NME8: variants seen among roughly 807,000 people sequenced by gnomAD.
NME8 encodes the protein NME/NM23 family member 8, also known as protein NME8.
Under a neutral mutation model 82.3 loss-of-function variants are expected in NME8, and 72 were observed. The observed-to-expected ratio is 0.87, with a 90% confidence interval of 0.72 to 1.06. The LOEUF (loss-of-function observed/expected upper bound fraction) is 1.06. NME8 is among the 50% of genes least tolerant of loss of function. NME8 has a pLI of 0.00. For synonymous variants in NME8, 267 were observed against 228.5 expected (o/e 1.17, Z -1.52); for missense variants, 712 against 685.4 (o/e 1.04, Z -0.43).
At chr7:37,894,954 G>T (rs140469460) in intron 16 of NME8, among the ~76,000 whole-genome samples, 13 of 151,394 alleles carry the variant, frequency 8.6e-5, no homozygotes, top group African/African-American at 3.2e-4. Flanking sequence ...TAGATATAGA[G>T]GCTGCCTCAG....
At chr7:37,858,230 G>C (rs1784541904) in intron 6 of NME8, among the ~76,000 whole-genome samples, 1 of 152,152 alleles carries the variant, frequency 6.6e-6, no homozygotes, top group African/African-American at 2.4e-5. Context: ...GACTTGGACT[G>C]TTCCTCCACT....
intron 11 of NME8, among the ~76,000 whole-genome samples, chr7:37,869,844 A>G (rs1488633684): frequency 6.6e-6 from 1 of 152,082 alleles, no homozygotes; most frequent in East Asian, 1.9e-4. Flanking sequence ...TGACATGCTG[A>G]ACTGAAAAAG....
At chr7:37,890,608 T>A (rs1187917291) in intron 15 of NME8, among the ~76,000 whole-genome samples, 2 of 152,078 alleles carry the variant, frequency 1.3e-5, no homozygotes, top group East Asian at 3.9e-4. Context: ...GTGAGCACCA[T>A]TCTGCTCTCT....
At chr7:37,900,007 T>C (rs1785290123) in intron 17 of NME8, among the ~76,000 whole-genome samples, 1 of 152,242 alleles carries the variant, frequency 6.6e-6, no homozygotes, top group African/African-American at 2.4e-5. Flanking sequence ...GTAGAAATCT[T>C]ACTCACAAGT....
chr7:37,853,708 A>G (rs1323539551), intron 5 of NME8, among the ~76,000 whole-genome samples: 1 of 152,146 alleles, frequency 6.6e-6, no homozygotes, highest in South Asian at 2.1e-4. Flanking sequence ...TCTGCCGGAC[A>G]TATTGTTTTC....
intron 12 of NME8, among the ~76,000 whole-genome samples, chr7:37,878,194 A>AT (rs976494663): frequency 1.5e-4 from 23 of 152,140 alleles, no homozygotes; most frequent in African/African-American, 5.1e-4. Context: ...GTTTTTCTCA[A>AT]TTTTTTTGTA....
chr7:37,876,380 A>G lies in NME8; in HGVS notation c.819-452A>G, dbSNP rs1030900844. 4.0e-5 allele frequency among the ~76,000 whole-genome samples: 6 copies of G among 151,452 alleles called. No individual in the cohort carries two copies. In the East Asian group the frequency reaches 5.8e-4, roughly 15 times the overall value. ...TTTTAATCAAAATTTTACCACATATATTTTTCTGATTATAATCCAATAAAA... is the reference window on the plus strand; with the variant it reads ...TTTTAATCAAAATTTTACCACATATGTTTTTCTGATTATAATCCAATAAAA... On this transcript the variant is annotated intron_variant, in intron 11 of 17. Transcript: ENST00000199447.
chr7:37,893,208 CT>C (rs998505516), intron 15 of NME8, among the ~76,000 whole-genome samples: 1 of 152,182 alleles, frequency 6.6e-6, no homozygotes, highest in African/African-American at 2.4e-5. Flanking sequence ...AGAGACTTTT[CT>C]TTTCCAAGGT....
chr7:37,881,339 C>G (rs1356412637), intron 12 of NME8, among the ~76,000 whole-genome samples: 1 of 152,038 alleles, frequency 6.6e-6, no homozygotes, highest in Admixed American at 6.5e-5. Context: ...TCCCTTTATT[C>G]CTCCTCTGGT....
chr7:37,866,858 A>T (rs1414907381), intron 10 of NME8, among the ~76,000 whole-genome samples: 1 of 152,174 alleles, frequency 6.6e-6, no homozygotes. Flanking sequence ...ATGAGACATC[A>T]ATCAATATGT....
chr7:37,886,604 A>G (rs1431817345), intron 14 of NME8, among the ~76,000 whole-genome samples: 1 of 152,114 alleles, frequency 6.6e-6, no homozygotes, highest in African/African-American at 2.4e-5. Flanking sequence ...CCTCGTTGTT[A>G]CCTGTTACTC....
intron 11 of NME8, among the ~76,000 whole-genome samples, chr7:37,872,869 G>A (rs1301769386): frequency 6.6e-6 from 1 of 152,090 alleles, no homozygotes; most frequent in Non-Finnish European, 1.5e-5. Flanking sequence ...CTCAACTGAT[G>A]CCACCACACC....
In NME8 at chr7:37,890,839, A is replaced by G. The variant is rs150986157; in HGVS notation, c.1399+2411A>G. On this transcript the variant is annotated intron_variant, in intron 15 of 17. Transcript: ENST00000199447. The stretch of plus-strand genomic sequence containing the variant: ...CATTCATCCATCAATTTTTGTTGAT[A>G]ATAAATAGGTTGATTTTATTTAGGT... Among the ~76,000 whole-genome samples the G allele has an allele frequency of 2.8e-3, 421 of 152,126 alleles. 4 individuals carry two copies. The highest frequency in any genetic ancestry group is 9.6e-3 in the African/African-American group (401 of 41,556).
intron 5 of NME8, among the ~76,000 whole-genome samples, chr7:37,856,110 A>T (rs529760266): frequency 2.0e-5 from 3 of 152,180 alleles, no homozygotes; most frequent in Admixed American, 2.0e-4. Context: ...GTAGCACTTT[A>T]TCTGGATCTC....
At chr7:37,875,358 T>A (rs2598024) in intron 11 of NME8, among the ~76,000 whole-genome samples, 93,526 of 151,800 alleles carry the variant, frequency 0.62, 29,581 homozygotes, top group East Asian at 0.81. Flanking sequence ...TTAGAGGTGA[T>A]TGGTTAAAAT....
Position 37,888,295 on chromosome 7 carries a change from G to C in NME8, c.1266G>C (p.Ala422=). ...TTCAAAGTTTATGTGCACAGTTTGCGATGGACAGTTTGCCGGTCAACCAGT... is the reference window on the plus strand; with the variant it reads ...TTCAAAGTTTATGTGCACAGTTTGCCATGGACAGTTTGCCGGTCAACCAGT... ...YFPESLCAQF[A]MDSLPVNQLY... The change falls in exon 15 of 18, where the codon GCG becomes GCC. Residue 422 remains alanine (A), a synonymous_variant. Coordinates refer to ENST00000199447, the MANE Select transcript of NME8 (RefSeq NM_016616.5). 1 of 1,613,572 alleles carries C rather than the reference G, an allele frequency of 6.2e-7. No individual in the cohort carries two copies. Among genetic ancestry groups the C allele is most frequent in the Non-Finnish European group, 8.5e-7 (1 of 1,179,666 alleles).
At chr7:37,876,213 AC>A (rs199539084) in intron 11 of NME8, among the ~76,000 whole-genome samples, 9 of 139,094 alleles carry the variant, frequency 6.5e-5, no homozygotes, top group African/African-American at 2.3e-4. Flanking sequence ...TCTCAAAAAA[AC>A]ACTATATATA....
At chr7:37,850,234 AT>A in intron 2 of NME8, 25 bp from the exon 3 acceptor site, 1 of 1,580,588 alleles carries the variant, frequency 6.3e-7, no homozygotes. Context: ...CTACTTAAAA[AT>A]TTTTCTTTCT....
chr7:37,869,840 G>T (rs1219076345), intron 11 of NME8, among the ~76,000 whole-genome samples: 2 of 152,078 alleles, frequency 1.3e-5, no homozygotes, highest in Non-Finnish European at 2.9e-5. Context: ...GCTTTGACAT[G>T]CTGAACTGAA....
Sources: allele counts gnomAD v4.1 joint callset (sites outside exome capture counted in the v4.1 genomes callset), GRCh38; gene constraint gnomAD v4.1.1; transcripts MANE v1.5; gene names NCBI Gene and HGNC (gene_info 2026-07-23, HGNC 2026-07-21).